The following FER1L6 variants were observed in gnomAD, a reference collection of about 807,000 sequenced individuals.
FER1L6 encodes fer-1-like protein 6.
A neutral mutation model predicts 219.2 loss-of-function variants in FER1L6; 177 were observed. The observed-to-expected ratio is 0.81, with a 90% CI of 0.71 to 0.91. FER1L6 has a LOEUF of 0.91. Among genes scored for constraint, FER1L6 ranks in the 40% least tolerant of loss-of-function variants. The pLI is 0.00. For synonymous variants in FER1L6, 768 were observed against 824.3 expected (o/e 0.93, Z 1.17); for missense variants, 2,153 against 2,259.9 (o/e 0.95, Z 0.96).
chr8:123,887,131 A>G (rs1474376296), intron 1 of FER1L6, among the ~76,000 whole-genome samples: 2 of 152,114 alleles, frequency 1.3e-5, no homozygotes, highest in Non-Finnish European at 2.9e-5. Flanking sequence ...TCCTGTACAT[A>G]GTTACGTTTC....
At chr8:123,900,950 G>T (rs374059182) in intron 1 of FER1L6, among the ~76,000 whole-genome samples, 266 of 152,244 alleles carry the variant, frequency 1.7e-3, no homozygotes, top group African/African-American at 6.2e-3. Context: ...CAAGGATATT[G>T]ATCTGTAGTC....
chr8:124,094,846 G>C (rs1482224287), intron 34 of FER1L6, 50 bp from the exon 35 acceptor site: 1 of 1,602,192 alleles, frequency 6.2e-7, no homozygotes, highest in Non-Finnish European at 8.5e-7. Flanking sequence ...GCCCATCACT[G>C]TCTCCTTGCA....
Position 124,053,714 on chromosome 8 carries a change from C to T in FER1L6, c.2874+3958C>T, listed in dbSNP as rs576668810. Among the ~76,000 whole-genome samples the T allele has an allele frequency of 6.6e-5, 10 of 152,134 alleles. No individual in the cohort carries two copies. In the South Asian group the frequency reaches 1.9e-3, roughly 28 times the overall value. On this transcript the variant is annotated intron_variant, in intron 22 of 40. Coordinates refer to ENST00000522917, the MANE Select transcript of FER1L6 (RefSeq NM_001039112.2). ...TCTCTACAAAACATAAAAATTCAGC[C>T]GGGTGTGATGGCACATGCTCATGGT... is the stretch of plus-strand genomic sequence containing the variant.
intron 12 of FER1L6, among the ~76,000 whole-genome samples, chr8:123,999,381 C>A (rs546473757): frequency 1.1e-4 from 17 of 152,286 alleles, no homozygotes; most frequent in African/African-American, 3.9e-4. Flanking sequence ...CACGGTGGCT[C>A]ACACCTGTAA....
At chr8:124,032,703 G>A (rs865963928) in intron 18 of FER1L6, among the ~76,000 whole-genome samples, 1 of 145,572 alleles carries the variant, frequency 6.9e-6, no homozygotes, top group Non-Finnish European at 1.5e-5. Context: ...ACTGCACCAC[G>A]TCACTCCAGC....
rs543955166 is a variant in FER1L6 at position 124,011,139 on chromosome 8, C to T, written c.1821+425C>T. On this transcript the variant is annotated intron_variant, in intron 14 of 40. Coordinates refer to ENST00000522917, the MANE Select transcript of FER1L6 (RefSeq NM_001039112.2). ...GCCCCATCTTTCCTAAGTTCTTCCT[C>T]CCTTACTTTGTTCCAACTACACTGG... Among the ~76,000 whole-genome samples the T allele has an allele frequency of 4.6e-5, 7 of 152,302 alleles. No individual in the cohort carries two copies. In the East Asian group the frequency reaches 1.4e-3, roughly 29 times the overall value.
chr8:123,938,912 C>T (rs767990943), intron 1 of FER1L6, among the ~76,000 whole-genome samples: 1 of 152,290 alleles, frequency 6.6e-6, no homozygotes, highest in African/African-American at 2.4e-5. Context: ...TCTAAAAATA[C>T]AAACAAAGCT....
Position 124,104,730 on chromosome 8 carries a change from C to T in FER1L6, c.5289+1421C>T, listed in dbSNP as rs191718436. ...TATTAATAAGCAGTAAATTTAGATG[C>T]ATGATCATATAATAGCAGCTATTAT... On this transcript the variant is annotated intron_variant, in intron 39 of 40. Transcript: ENST00000522917. Among the ~76,000 whole-genome samples the T allele has an allele frequency of 6.0e-3, 918 of 152,290 alleles. 13 individuals are homozygous for T. The highest frequency in any genetic ancestry group is 7.6e-3 in the Non-Finnish European group (518 of 68,016).
Position 124,040,907 on chromosome 8 carries a change from T to A in FER1L6, c.2589+901T>A, listed in dbSNP as rs192454543. 308 of 152,330 alleles carry A rather than the reference T, an allele frequency of 2.0e-3. 1 individual carries two copies. The highest frequency in any genetic ancestry group is 7.2e-3 in the African/African-American group (298 of 41,558). 9.4% of individuals were successfully genotyped at this position (152,330 alleles called of 1,614,324 possible). ...CCTCTCAATACTGTGACATTAGGGA[T>A]TAAATTTCAACATGAGTTTTGGAAA... On this transcript the variant is annotated intron_variant, in intron 20 of 40. Coordinates refer to ENST00000522917, the MANE Select transcript of FER1L6 (RefSeq NM_001039112.2).
At chr8:123,998,373 A>ACTCTCT (rs746709688) in intron 12 of FER1L6, among the ~76,000 whole-genome samples, 1,928 of 32,442 alleles carry the variant, frequency 0.059, 444 homozygotes, top group Non-Finnish European at 0.076. Context: ...AAAGAGGGAA[A>ACTCTCT]CTCTCTCTCT....
At chr8:124,002,459 ACT>A (rs533705884) in intron 12 of FER1L6, among the ~76,000 whole-genome samples, 3 of 152,254 alleles carry the variant, frequency 2.0e-5, no homozygotes, top group Non-Finnish European at 4.4e-5. Context: ...CAGTCAACAA[ACT>A]CTGTAACATG....
intron 13 of FER1L6, among the ~76,000 whole-genome samples, chr8:124,005,554 C>T (rs980380775): frequency 9.9e-5 from 15 of 152,220 alleles, no homozygotes; most frequent in African/African-American, 3.4e-4. Flanking sequence ...CCTCACCTCC[C>T]CCAAGCACTG....
rs187564803 is a variant in FER1L6, at chr8:124,033,229, C to T, written c.2287-2048C>T. On this transcript the variant is annotated intron_variant, in intron 18 of 40. Coordinates refer to ENST00000522917, the MANE Select transcript of FER1L6 (RefSeq NM_001039112.2). ...AGAACTCTTTTAGGCACTGGGGACACGGCAGTGAAGCAACAGACAAAAATT... is the reference window on the plus strand; with the variant it reads ...AGAACTCTTTTAGGCACTGGGGACATGGCAGTGAAGCAACAGACAAAAATT... Among the ~76,000 whole-genome samples, 48 of 152,252 alleles carry T rather than the reference C, an allele frequency of 3.2e-4. 1 individual carries two copies. The East Asian group carries it at 4.6e-3, about 15-fold the overall frequency.
At chr8:124,044,438 TA>T (rs1563762626) in intron 20 of FER1L6, among the ~76,000 whole-genome samples, 1 of 152,086 alleles carries the variant, frequency 6.6e-6, no homozygotes, top group Non-Finnish European at 1.5e-5. Flanking sequence ...AGAAGAGCAA[TA>T]AAAATATTCC....
At chr8:123,930,265 GAT>G (rs1034071271) in intron 1 of FER1L6, among the ~76,000 whole-genome samples, 16 of 152,072 alleles carry the variant, frequency 1.1e-4, no homozygotes, top group Non-Finnish European at 2.2e-4. Context: ...CCACAATCAA[GAT>G]ACAGAATAGC....
intron 1 of FER1L6, among the ~76,000 whole-genome samples, chr8:123,924,464 C>T (rs1486590493): frequency 8.6e-5 from 13 of 151,806 alleles, no homozygotes; most frequent in Admixed American, 8.5e-4. Flanking sequence ...ATCGCTTGAA[C>T]CCGGGAGGCA....
chr8:124,054,073 T>C (rs1820171327), intron 22 of FER1L6, among the ~76,000 whole-genome samples: 1 of 152,174 alleles, frequency 6.6e-6, no homozygotes, highest in Non-Finnish European at 1.5e-5. Context: ...GCCCTGCAGA[T>C]TGTTCCTTGA....
At chr8:123,879,740 C>T (rs1817073181) in intron 1 of FER1L6, among the ~76,000 whole-genome samples, 1 of 152,178 alleles carries the variant, frequency 6.6e-6, no homozygotes, top group Non-Finnish European at 1.5e-5. Context: ...CACACACACT[C>T]ACACACATTC....
chr8:123,878,947 C>T (rs1378931760), intron 1 of FER1L6, among the ~76,000 whole-genome samples: 1 of 152,196 alleles, frequency 6.6e-6, no homozygotes, highest in Non-Finnish European at 1.5e-5. Flanking sequence ...AGGCCACTTT[C>T]TCTCTGTTAA....
Sources: allele counts gnomAD v4.1 joint callset (sites outside exome capture counted in the v4.1 genomes callset), GRCh38; gene constraint gnomAD v4.1.1; transcripts MANE v1.5; gene names NCBI Gene and HGNC (gene_info 2026-07-23, HGNC 2026-07-21).